KCNJ6: variants seen among roughly 807,000 people sequenced by gnomAD.
The protein encoded by KCNJ6 is G protein-activated inward rectifier potassium channel 2.
In KCNJ6, 9 loss-of-function variants were observed where a neutral mutation model predicts 34.2. The observed-to-expected ratio is 0.26, with a 90% CI of 0.16 to 0.46. KCNJ6 has a LOEUF of 0.46. KCNJ6 is among the 20% of genes least tolerant of loss of function. The pLI is 1.00. For synonymous variants in KCNJ6, 196 were observed against 207.1 expected (o/e 0.95, Z 0.46); for missense variants, 236 against 531.3 (o/e 0.44, Z 5.46).
intron 3 of KCNJ6, among the ~76,000 whole-genome samples, chr21:37,635,259 C>T (rs1239665687): frequency 6.6e-6 from 1 of 152,064 alleles, no homozygotes; most frequent in East Asian, 1.9e-4. Context: ...TACTCTGTTG[C>T]CCAGGCTGGA....
chr21:37,706,346 G>A (rs2054719531), intron 3 of KCNJ6, among the ~76,000 whole-genome samples: 1 of 152,166 alleles, frequency 6.6e-6, no homozygotes, highest in African/African-American at 2.4e-5. Context: ...AACTGAAATT[G>A]TTGCTCTCAA....
At chr21:37,758,965 A>T (rs858015) in intron 2 of KCNJ6, among the ~76,000 whole-genome samples, 61,880 of 151,972 alleles carry the variant, frequency 0.41, 12,825 homozygotes, top group East Asian at 0.58. Flanking sequence ...GAAACTGAGG[A>T]TTAGAGATCA....
At chr21:37,837,546 T>G (rs529243101) in intron 2 of KCNJ6, among the ~76,000 whole-genome samples, 6 of 152,294 alleles carry the variant, frequency 3.9e-5, no homozygotes, top group Admixed American at 6.5e-5. Flanking sequence ...TTTGCTAGCA[T>G]GTGGACACCT....
Position 37,620,417 on chromosome 21 carries a change from T to C in KCNJ6, c.*4742A>G, listed in dbSNP as rs1301332289. 3 of 152,216 alleles carry C rather than the reference T, an allele frequency of 2.0e-5. No individual in the cohort carries two copies. The highest frequency in any genetic ancestry group is 4.4e-5 in the Non-Finnish European group (3 of 68,044). The allele number at this position is 152,216 out of a possible 1,614,324, so 9.4% of individuals were successfully genotyped here. A position where few individuals can be genotyped will look rare whatever the true frequency, so the allele number is the denominator to read the frequency against. Reference sequence around the variant, plus strand: ...AAACTTTGTTTGTGGACATTGAAATTTGAATTTAGGATGATTTTCACATGT... The same window carrying C: ...AAACTTTGTTTGTGGACATTGAAATCTGAATTTAGGATGATTTTCACATGT... On this transcript the variant is annotated 3_prime_UTR_variant, in exon 4 of 4. Transcript: ENST00000609713.
chr21:37,864,904 T>C (rs1394702348), intron 1 of KCNJ6, among the ~76,000 whole-genome samples: 1 of 151,346 alleles, frequency 6.6e-6, no homozygotes, highest in Non-Finnish European at 1.5e-5. Context: ...TGGGTCTTGT[T>C]GTATTGCCCA....
chr21:37,805,193 G>T (rs2055287869), intron 2 of KCNJ6, among the ~76,000 whole-genome samples: 1 of 152,030 alleles, frequency 6.6e-6, no homozygotes, highest in Non-Finnish European at 1.5e-5. Flanking sequence ...TGTGGTGATG[G>T]TTGCATGAAT....
rs190947570 is a variant in KCNJ6 at position 37,859,736 on chromosome 21, C to A, written c.-27-19027G>T. On this transcript the variant is annotated intron_variant, in intron 1 of 3. Coordinates refer to ENST00000609713, the MANE Select transcript of KCNJ6 (RefSeq NM_002240.5). ...ATTGATTTACTTGTGTCTGAAATTT[C>A]TTGATTTCAGAAGAAGGTTACAGTC... 1.6e-3 allele frequency among the ~76,000 whole-genome samples: 234 copies of A among 150,798 alleles called. 1 individual carries two copies. The highest frequency in any genetic ancestry group is 2.5e-3 in the Non-Finnish European group (170 of 67,714).
intron 3 of KCNJ6, among the ~76,000 whole-genome samples, chr21:37,661,942 C>T (rs1057289913): frequency 6.6e-6 from 1 of 151,806 alleles, no homozygotes; most frequent in Non-Finnish European, 1.5e-5. Flanking sequence ...AGACATAATT[C>T]TAATAAAATT....
At chr21:37,845,643 C>T (rs892321264) in intron 1 of KCNJ6, among the ~76,000 whole-genome samples, 1 of 152,130 alleles carries the variant, frequency 6.6e-6, no homozygotes, top group East Asian at 1.9e-4. Flanking sequence ...ATCATTATTC[C>T]GTTTGGCTAC....
intron 1 of KCNJ6, among the ~76,000 whole-genome samples, chr21:37,886,493 G>A (rs901035861): frequency 6.6e-6 from 1 of 152,188 alleles, no homozygotes; most frequent in East Asian, 1.9e-4. Flanking sequence ...AGAATCTCAT[G>A]TAATTAGAGC....
At position 37,655,219 on chromosome 21, in the gene KCNJ6, GTGTGTGAGAGAGAGAGAGAGAGAGAGAGA is replaced by G. The variant is rs2054455500; in HGVS notation, c.947-29764_947-29736del. 4.9e-4 allele frequency among the ~76,000 whole-genome samples: 45 copies of G among 91,672 alleles called. 1 individual carries two copies. The highest frequency in any genetic ancestry group is 7.2e-4 in the Non-Finnish European group (29 of 40,534). The allele number at this position is 91,672 out of a possible 152,430, so 60.1% of individuals were successfully genotyped here. On this transcript the variant is annotated intron_variant, in intron 3 of 3. Coordinates refer to ENST00000609713, the MANE Select transcript of KCNJ6 (RefSeq NM_002240.5). ...TGTGTGTGTGTGTGTGTGTGTGTGTGTGTGTGAGAGAGAGAGAGAGAGAGAGAGAGAGAGAGAGAGAGAGAGAGAGAGAG... is the reference window on the plus strand; with the variant it reads ...TGTGTGTGTGTGTGTGTGTGTGTGTGGAGAGAGAGAGAGAGAGAGAGAGAG...
chr21:37,915,744 C>T (rs2055890291), intron 1 of KCNJ6, 140 bp downstream of exon 1: 2 of 152,338 alleles, frequency 1.3e-5, no homozygotes, highest in South Asian at 4.1e-4. Flanking sequence ...CTGACTTGGG[C>T]ACAATGTTTC....
intron 2 of KCNJ6, among the ~76,000 whole-genome samples, chr21:37,747,362 A>C (rs1484345857): frequency 6.6e-6 from 1 of 152,198 alleles, no homozygotes; most frequent in Non-Finnish European, 1.5e-5. Flanking sequence ...AAAGCACTGG[A>C]TTGCTCCAAA....
At chr21:37,684,498 TATGAATTTTGGGGAACACA>T (rs1414686775) in intron 3 of KCNJ6, among the ~76,000 whole-genome samples, 2 of 152,228 alleles carry the variant, frequency 1.3e-5, no homozygotes, top group Non-Finnish European at 2.9e-5. Context: ...GACTTTACCA[TATGAATTTTGGGGAACACA>T]AACAGTAATT....
Position 37,615,722 on chromosome 21 carries a change from G to A in KCNJ6, c.*9437C>T, listed in dbSNP as rs764508073. 6 of 152,134 alleles carry A rather than the reference G, an allele frequency of 3.9e-5. No individual in the cohort carries two copies. Among genetic ancestry groups the A allele is most frequent in the Non-Finnish European group, 7.4e-5 (5 of 68,000 alleles). The allele number at this position is 152,134 out of a possible 1,614,324, so 9.4% of individuals were successfully genotyped here. A position where few individuals can be genotyped will look rare whatever the true frequency, so the allele number is the denominator to read the frequency against. On this transcript the variant is annotated 3_prime_UTR_variant, in exon 4 of 4. Coordinates refer to ENST00000609713, the MANE Select transcript of KCNJ6 (RefSeq NM_002240.5). ...ATAAGTAAATTTTAAAATTGCTTTT[G>A]TTTATATTTGTGCTTATTAAAACAC... is the stretch of plus-strand genomic sequence containing the variant.
Position 37,816,472 on chromosome 21 carries a change from C to T in KCNJ6, c.25+24186G>A, listed in dbSNP as rs552231849. Among the ~76,000 whole-genome samples, 17 of 152,302 alleles carry T rather than the reference C, an allele frequency of 1.1e-4. No homozygotes were observed. In the East Asian group the frequency reaches 2.5e-3, roughly 22 times the overall value. ...TGATAACAGATCACACATTTACAAA[C>T]GAACTGACTTTTACTTTTTGTCATT... On this transcript the variant is annotated intron_variant, in intron 2 of 3. Transcript: ENST00000609713.
chr21:37,788,748 A>T (rs2055203544), intron 2 of KCNJ6, among the ~76,000 whole-genome samples: 1 of 152,204 alleles, frequency 6.6e-6, no homozygotes, highest in South Asian at 2.1e-4. Context: ...AAGCCATCCC[A>T]GCCAGCCGCA....
chr21:37,719,321 C>T (rs2054811733), intron 2 of KCNJ6: 1 of 152,206 alleles, frequency 6.6e-6, no homozygotes, highest in Admixed American at 6.5e-5. Flanking sequence ...CATTTTGTGA[C>T]ATTTCTTTCT....
intron 2 of KCNJ6, among the ~76,000 whole-genome samples, chr21:37,787,835 G>C (rs1177323125): frequency 6.6e-6 from 1 of 152,220 alleles, no homozygotes; most frequent in East Asian, 1.9e-4. Context: ...ACAAGTTTGA[G>C]ACTAGTCATG....
Sources: allele counts gnomAD v4.1 joint callset (sites outside exome capture counted in the v4.1 genomes callset), GRCh38; gene constraint gnomAD v4.1.1; transcripts MANE v1.5; gene names NCBI Gene and HGNC (gene_info 2026-07-23, HGNC 2026-07-21).